Variants in UBE2V2 observed in about 807,000 individuals in gnomAD.
The protein encoded by UBE2V2 is ubiquitin-conjugating enzyme E2 variant 2.
A neutral mutation model predicts 17.2 loss-of-function variants in UBE2V2; 9 were observed. That is an observed-to-expected ratio of 0.52 (90% CI 0.32 to 0.91). The LOEUF is 0.91. UBE2V2 is among the 40% of genes least tolerant of loss of function. UBE2V2 has a pLI of 0.04. For missense variants in UBE2V2, 133 were observed against 182.6 expected (o/e 0.73, Z 1.56); for synonymous variants, 61 against 57.5 (o/e 1.06, Z -0.28).
chr8:48,013,530 C>T (rs1004421961), intron 1 of UBE2V2, among the ~76,000 whole-genome samples: 10 of 152,118 alleles, frequency 6.6e-5, no homozygotes, highest in Non-Finnish European at 1.5e-4. Context: ...GGGATGGTCT[C>T]GATCTCCTGA....
upstream of UBE2V2, among the ~76,000 whole-genome samples, chr8:48,004,944 C>T (rs2091174429): frequency 6.6e-6 from 1 of 151,762 alleles, no homozygotes; most frequent in Non-Finnish European, 1.5e-5. Context: ...CCTCCCATCT[C>T]ATCCTCCTGA....
At chr8:48,051,145 C>T (rs1420499907) in intron 3 of UBE2V2, among the ~76,000 whole-genome samples, 3 of 152,156 alleles carry the variant, frequency 2.0e-5, no homozygotes, top group African/African-American at 7.2e-5. Flanking sequence ...CTGTGTCCAG[C>T]CCATTGTCTC....
At chr8:48,012,823 C>T (rs1299917392) in intron 1 of UBE2V2, among the ~76,000 whole-genome samples, 1 of 152,122 alleles carries the variant, frequency 6.6e-6, no homozygotes, top group East Asian at 1.9e-4. Context: ...CCATGCACCT[C>T]ACATTCAGTT....
At chr8:48,021,017 G>A (rs866218846) in intron 1 of UBE2V2, among the ~76,000 whole-genome samples, 6 of 151,292 alleles carry the variant, frequency 4.0e-5, no homozygotes, top group Non-Finnish European at 7.4e-5. Context: ...GAGCACTGGG[G>A]TTTCAGGCAT....
chr8:48,047,155 G>T (rs1434705846), intron 2 of UBE2V2, among the ~76,000 whole-genome samples: 2 of 151,918 alleles, frequency 1.3e-5, no homozygotes, highest in African/African-American at 4.8e-5. Context: ...TGGTCAAGCT[G>T]GTCTCGAACT....
rs45613433 is a variant in UBE2V2 at position 48,044,292 on chromosome 8, G to A, written c.165+1111G>A. Among the ~76,000 whole-genome samples the A allele has an allele frequency of 3.7e-3, 567 of 152,158 alleles. 11 individuals are homozygous for A. The highest frequency in any genetic ancestry group is 0.013 in the African/African-American group (537 of 41,490). ...CCTTCCACCTCAGCCTCCTGAGGTG[G>A]TGTGCACCACCACTGCTGGCTAATA... On this transcript the variant is annotated intron_variant, in intron 2 of 3. Transcript: ENST00000523111.
At chr8:48,042,677 A>G (rs1026943950) in intron 1 of UBE2V2, 4 of 158,650 alleles carry the variant, frequency 2.5e-5, no homozygotes, top group East Asian at 1.8e-4. Context: ...TTTGGCTTCT[A>G]TGAACTTTCT....
rs188812499 is a variant in UBE2V2 at position 48,024,176 on chromosome 8, T to G, written c.16+15706T>G. 2.0e-4 allele frequency among the ~76,000 whole-genome samples: 30 copies of G among 152,282 alleles called. 1 individual carries two copies. Among genetic ancestry groups the G allele is most frequent in the Admixed American group, 1.8e-3 (27 of 15,278 alleles). On this transcript the variant is annotated intron_variant, in intron 1 of 3. Coordinates refer to ENST00000523111, the MANE Select transcript of UBE2V2 (RefSeq NM_003350.3). Reference sequence around the variant, plus strand: ...AAATAGAAAAAACAGTTTAATAGAATATATGTTATGGATTGCCTGGACTCT... The same window carrying G: ...AAATAGAAAAAACAGTTTAATAGAAGATATGTTATGGATTGCCTGGACTCT...
chr8:48,005,577 C>T (rs1415389165), upstream of UBE2V2, among the ~76,000 whole-genome samples: 1 of 152,138 alleles, frequency 6.6e-6, no homozygotes, highest in Non-Finnish European at 1.5e-5. Flanking sequence ...AGTTCTAGAT[C>T]CTTGAGGAAT....
At chr8:48,008,255 G>A, upstream of UBE2V2, 1 of 558,482 alleles carries the variant, frequency 1.8e-6, no homozygotes, top group Non-Finnish European at 2.8e-6. Context: ...TTCATTTTGA[G>A]AGCGGGATTC....
chr8:48,039,411 T>G (rs576591932), intron 1 of UBE2V2, among the ~76,000 whole-genome samples: 1 of 152,226 alleles, frequency 6.6e-6, no homozygotes, highest in Non-Finnish European at 1.5e-5. Context: ...TAAGCCGTTA[T>G]GATTCCCTGA....
intron 1 of UBE2V2, among the ~76,000 whole-genome samples, chr8:48,035,881 A>G (rs1417661590): frequency 7.2e-6 from 1 of 139,654 alleles, no homozygotes; most frequent in South Asian, 2.3e-4. Context: ...ACAGAGTGAC[A>G]CTCCGTCTCA....
upstream of UBE2V2, among the ~76,000 whole-genome samples, chr8:48,003,988 C>T (rs1259398158): frequency 1.3e-5 from 2 of 152,014 alleles, no homozygotes; most frequent in Non-Finnish European, 2.9e-5. Flanking sequence ...GAAAATCAGG[C>T]CGTGGTGTTT....
intron 2 of UBE2V2, 36 bp from the exon 3 acceptor site, chr8:48,049,817 G>C (rs755093408): frequency 6.6e-7 from 1 of 1,519,734 alleles, no homozygotes; most frequent in Non-Finnish European, 8.9e-7. Context: ...TTTAGGTATT[G>C]TTATTTTGAT....
chr8:48,013,804 G>C (rs2091249254), intron 1 of UBE2V2, among the ~76,000 whole-genome samples: 3 of 152,174 alleles, frequency 2.0e-5, no homozygotes, highest in African/African-American at 7.2e-5. Flanking sequence ...CTTCAGAAGT[G>C]GGTAGCATTG....
rs558803462 is a variant in UBE2V2 at position 48,013,739 on chromosome 8, GTT to G, written c.16+5272_16+5273del. Among the ~76,000 whole-genome samples, 21 of 152,242 alleles carry G rather than the reference GTT, an allele frequency of 1.4e-4. No homozygotes were observed. The East Asian group carries it at 3.9e-3, about 28-fold the overall frequency. ...TCAGAAAAAATTGATGAAAGAATATGTTTTCTGCTATGTAGGCAGAAAACAAA... is the reference window on the plus strand; with the variant it reads ...TCAGAAAAAATTGATGAAAGAATATGTTCTGCTATGTAGGCAGAAAACAAA... On this transcript the variant is annotated intron_variant, in intron 1 of 3. Transcript: ENST00000523111.
rs1383951912 is a variant in UBE2V2 at position 48,063,255 on chromosome 8, A to C, written c.*2427A>C. On this transcript the variant is annotated 3_prime_UTR_variant, in exon 4 of 4. Coordinates refer to ENST00000523111, the MANE Select transcript of UBE2V2 (RefSeq NM_003350.3). ...CTCTGCAGAAATCTGCATGCCAATT[A>C]ACCCATTTCTAAAGCAGAATCCATT... 1 of 152,222 alleles carries C rather than the reference A, an allele frequency of 6.6e-6. No homozygotes were observed. Among genetic ancestry groups the C allele is most frequent in the African/African-American group, 2.4e-5 (1 of 41,450 alleles). The allele number at this position is 152,222 out of a possible 1,614,324, so 9.4% of individuals were successfully genotyped here.
chr8:48,002,837 A>C, the UBE2V2 span, among the ~76,000 whole-genome samples: 1 of 152,170 alleles, frequency 6.6e-6, no homozygotes, highest in Non-Finnish European at 1.5e-5. Flanking sequence ...TATGATACGT[A>C]TGGTAATGCA....
At chr8:48,035,948 CTTTTT>C (rs780718248) in intron 1 of UBE2V2, among the ~76,000 whole-genome samples, 18 of 121,708 alleles carry the variant, frequency 1.5e-4, no homozygotes, top group African/African-American at 5.3e-4. Context: ...CCTTGCCTTT[CTTTTT>C]TTTTTTTTTT....
Sources: gnomAD v4.1 joint callset for allele counts (sites outside exome capture counted in the v4.1 genomes callset) on GRCh38, gnomAD v4.1.1 for gene constraint, MANE v1.5 for transcripts, NCBI Gene and HGNC (gene_info 2026-07-23, HGNC 2026-07-21) for gene names.